The following CEP112 variants were observed in gnomAD, a reference collection of about 807,000 sequenced individuals.
CEP112 encodes centrosomal protein of 112 kDa.
In CEP112, 127 loss-of-function variants were observed where a neutral mutation model predicts 153.0. The ratio of observed to expected loss-of-function variants is 0.83; its 90% CI spans 0.72 to 0.96. The LOEUF is 0.96. CEP112 is among the 40% of genes least tolerant of loss of function. The probability of loss-of-function intolerance (pLI) is 0.00; values close to 1 mark genes in which losing one functional copy is unlikely to be tolerated. For synonymous variants in CEP112, 358 were observed against 374.4 expected (o/e 0.96, Z 0.51); for missense variants, 1,089 against 1,101.2 (o/e 0.99, Z 0.16).
chr17:65,788,617 C>A (rs778343522), intron 21 of CEP112, among the ~76,000 whole-genome samples: 1 of 152,134 alleles, frequency 6.6e-6, no homozygotes, highest in South Asian at 2.1e-4. Context: ...CATTTAATCA[C>A]GTTTTCTAAA....
intron 20 of CEP112, among the ~76,000 whole-genome samples, chr17:65,868,001 C>T (rs899844908): frequency 4.0e-5 from 6 of 151,276 alleles, no homozygotes; most frequent in Non-Finnish European, 5.9e-5. Context: ...AACATAAAAT[C>T]GAAGTATATA....
intron 1 of CEP112, among the ~76,000 whole-genome samples, chr17:66,184,514 T>C (rs953629182): frequency 1.3e-5 from 2 of 152,150 alleles, no homozygotes; most frequent in Non-Finnish European, 2.9e-5. Flanking sequence ...AGTAAGCACA[T>C]GACAAGATGC....
intron 21 of CEP112, among the ~76,000 whole-genome samples, chr17:65,778,302 G>C (rs1014839488): frequency 7.2e-5 from 11 of 152,172 alleles, no homozygotes; most frequent in African/African-American, 2.7e-4. Context: ...TTCTAATATG[G>C]ATTAATGGGG....
At chr17:66,071,994 T>A (rs2067322999) in intron 8 of CEP112, among the ~76,000 whole-genome samples, 5 of 152,172 alleles carry the variant, frequency 3.3e-5, no homozygotes, top group Non-Finnish European at 7.4e-5. Flanking sequence ...TTATAACTTT[T>A]TGCCTTGGCA....
chr17:65,828,086 G>T (rs1464824459), intron 21 of CEP112, among the ~76,000 whole-genome samples: 1 of 152,184 alleles, frequency 6.6e-6, no homozygotes, highest in Non-Finnish European at 1.5e-5. Flanking sequence ...GCTCTGAGGG[G>T]ACAGGAATAT....
At chr17:66,114,580 C>T (rs935459159) in intron 6 of CEP112, among the ~76,000 whole-genome samples, 1 of 152,178 alleles carries the variant, frequency 6.6e-6, no homozygotes, top group Non-Finnish European at 1.5e-5. Context: ...TAAATTCACT[C>T]TTCAACACCA....
intron 18 of CEP112, among the ~76,000 whole-genome samples, chr17:65,932,756 C>T (rs539285677): frequency 4.6e-5 from 7 of 152,216 alleles, no homozygotes; most frequent in African/African-American, 1.2e-4. Context: ...CTCACTTCCA[C>T]GAGAACAGCA....
chr17:65,857,745 T>G (rs2058173883), intron 20 of CEP112, among the ~76,000 whole-genome samples: 1 of 152,228 alleles, frequency 6.6e-6, no homozygotes, highest in South Asian at 2.1e-4. Flanking sequence ...TAAATTGATG[T>G]TATGCTAGTC....
At chr17:65,745,903 C>T (rs1193407413) in intron 22 of CEP112, among the ~76,000 whole-genome samples, 1 of 152,190 alleles carries the variant, frequency 6.6e-6, no homozygotes, top group South Asian at 2.1e-4. Flanking sequence ...ATTTTCAGAA[C>T]ATTTAGGACA....
intron 18 of CEP112, among the ~76,000 whole-genome samples, chr17:65,933,302 GA>G (rs1378196084): frequency 2.0e-5 from 3 of 152,080 alleles, no homozygotes; most frequent in African/African-American, 7.2e-5. Flanking sequence ...CCCAAATCTA[GA>G]AAAACATGTC....
intron 21 of CEP112, among the ~76,000 whole-genome samples, chr17:65,802,877 G>A (rs535025398): frequency 1.3e-5 from 2 of 152,266 alleles, no homozygotes; most frequent in South Asian, 2.1e-4. Flanking sequence ...ATATAGTGTC[G>A]ATGCTCCATC....
chr17:65,967,239 A>C (rs1435735351), intron 17 of CEP112, among the ~76,000 whole-genome samples: 1 of 152,206 alleles, frequency 6.6e-6, no homozygotes, highest in African/African-American at 2.4e-5. Flanking sequence ...TTAGTTATAA[A>C]TAGGAATGAA....
intron 22 of CEP112, among the ~76,000 whole-genome samples, chr17:65,743,792 G>A (rs749661930): frequency 8.7e-5 from 13 of 149,896 alleles, no homozygotes; most frequent in Non-Finnish European, 1.6e-4. Flanking sequence ...ATGGAGTTTC[G>A]TTCTTGTTGC....
At chr17:66,069,443 C>T (rs2067233388) in intron 9 of CEP112, among the ~76,000 whole-genome samples, 1 of 152,052 alleles carries the variant, frequency 6.6e-6, no homozygotes, top group African/African-American at 2.4e-5. Context: ...CAATGAGCTA[C>T]TTGAAAAACA....
intron 23 of CEP112, among the ~76,000 whole-genome samples, chr17:65,693,376 C>T (rs1353404781): frequency 6.6e-6 from 1 of 151,906 alleles, no homozygotes; most frequent in Non-Finnish European, 1.5e-5. Flanking sequence ...TCCACAGAAG[C>T]ATTTGGCCCT....
chr17:66,047,586 A>G (rs2066267498), intron 12 of CEP112, among the ~76,000 whole-genome samples: 1 of 152,186 alleles, frequency 6.6e-6, no homozygotes, highest in Non-Finnish European at 1.5e-5. Context: ...TGCAATAACA[A>G]AAACTTTCAT....
chr17:65,860,541 A>T (rs1426503473), intron 20 of CEP112, among the ~76,000 whole-genome samples: 1 of 152,246 alleles, frequency 6.6e-6, no homozygotes, highest in Admixed American at 6.5e-5. Flanking sequence ...TAGTCTTATC[A>T]TAGAGAACAG....
At position 65,727,144 on chromosome 17, in the gene CEP112, C is replaced by T. The variant is rs116434537; in HGVS notation, c.2607+15924G>A. On this transcript the variant is annotated intron_variant, in intron 23 of 26. Transcript: ENST00000535342. ...CCTGCTGGTTTCCCTGTATCTTCAT[C>T]ATTGACCACGTTTTCAAAATGAAAA... Among the ~76,000 whole-genome samples, 1,520 of 152,328 alleles carry T rather than the reference C, an allele frequency of 1.0e-2. 26 individuals carry two copies. The highest frequency in any genetic ancestry group is 0.035 in the African/African-American group (1,439 of 41,566).
At chr17:65,707,449 T>G (rs1248162301) in intron 23 of CEP112, among the ~76,000 whole-genome samples, 2 of 152,120 alleles carry the variant, frequency 1.3e-5, no homozygotes, top group Non-Finnish European at 2.9e-5. Context: ...TCCATTCATC[T>G]CTCTTACCTG....
Sources: gnomAD v4.1 joint callset for allele counts (sites outside exome capture counted in the v4.1 genomes callset) on GRCh38, gnomAD v4.1.1 for gene constraint, MANE v1.5 for transcripts, NCBI Gene and HGNC (gene_info 2026-07-23, HGNC 2026-07-21) for gene names.